EPHB2: variants seen among roughly 807,000 people sequenced by gnomAD.
EPHB2 encodes the protein ephrin type-B receptor 2.
Under a neutral mutation model 96.4 loss-of-function variants are expected in EPHB2, and 18 were observed. The observed-to-expected ratio is 0.19, with a 90% CI of 0.13 to 0.28. The LOEUF (loss-of-function observed/expected upper bound fraction) is 0.28. EPHB2 is among the 10% of genes least tolerant of loss of function. The probability of loss-of-function intolerance (pLI) is 1.00; values close to 1 mark genes in which losing one functional copy is unlikely to be tolerated. For synonymous variants in EPHB2, 506 were observed against 534.1 expected, an observed-to-expected ratio of 0.95 and a Z score of 0.72; for missense variants, 989 against 1,355.4, an observed-to-expected ratio of 0.73 and a Z score of 4.25.
intron 3 of EPHB2, among the ~76,000 whole-genome samples, chr1:22,836,315 A>G (rs10917317): frequency 0.42 from 64,340 of 152,138 alleles, 14,112 homozygotes; most frequent in South Asian, 0.59. Flanking sequence ...TCGGAGGCAC[A>G]AAGATGAACC....
intron 9 of EPHB2, among the ~76,000 whole-genome samples, chr1:22,905,411 G>T (rs1413581838): frequency 6.6e-6 from 1 of 152,226 alleles, no homozygotes; most frequent in East Asian, 1.9e-4. Context: ...GAGTGGGGCG[G>T]CCCCTCAAGG....
chr1:22,712,415 A>C (rs974640610), intron 1 of EPHB2, among the ~76,000 whole-genome samples: 6 of 152,090 alleles, frequency 3.9e-5, no homozygotes, highest in Non-Finnish European at 8.8e-5. Flanking sequence ...CTCTCAGGCC[A>C]CTTTAGGGTT....
chr1:22,741,322 C>A (rs59828968), intron 1 of EPHB2, among the ~76,000 whole-genome samples: 1 of 152,056 alleles, frequency 6.6e-6, no homozygotes, highest in African/African-American at 2.4e-5. Context: ...TTATCCTCCC[C>A]CTAAGTAAAA....
rs1046917767 is a variant in EPHB2, at chr1:22,919,337, G to T, written c.*5767G>T. The T allele has an allele frequency of 3.3e-5, 5 of 152,374 alleles. No homozygotes were observed. The highest frequency in any genetic ancestry group is 2.6e-4 in the Admixed American group (4 of 15,308). The allele number at this position is 152,374 out of a possible 1,614,324, so 9.4% of individuals were successfully genotyped here. A position where few individuals can be genotyped will look rare whatever the true frequency, so the allele number is the denominator to read the frequency against. ...CAGGAATGTGCCCAGACAGAGCTAA[G>T]CTTTCAGGAAAATTAGAAAGACCCT... On this transcript the variant is annotated 3_prime_UTR_variant, in exon 16 of 16. Transcript: ENST00000374630.
chr1:22,889,956 G>T (rs2148562121), intron 6 of EPHB2, among the ~76,000 whole-genome samples: 1 of 152,278 alleles, frequency 6.6e-6, no homozygotes. Context: ...TCCTATATTT[G>T]TGTTTGCTAA....
At position 22,863,188 on chromosome 1, in the gene EPHB2, C is replaced by A; in HGVS notation, c.963C>A (p.Cys321Ter). ...RADLDPLDMP[C>*]TTIPSAPQAV... ...ACCTGGACCCCCTGGACATGCCCTG[C>A]ACAAGTAAGTCCTAGGGCCCCTCAA... Residue 321 changes from cysteine (C) to a stop codon, truncating the protein, a stop_gained, in exon 4 of 16, where the codon TGC becomes TGA. Transcript: ENST00000374630. LOFTEE classifies it high-confidence loss of function. The A allele has an allele frequency of 6.2e-7, 1 of 1,614,188 alleles. No individual in the cohort carries two copies. Among genetic ancestry groups the A allele is most frequent in the Non-Finnish European group, 8.5e-7 (1 of 1,180,034 alleles).
chr1:22,865,902 C>T (rs1638457400), intron 5 of EPHB2, among the ~76,000 whole-genome samples: 1 of 152,176 alleles, frequency 6.6e-6, no homozygotes, highest in African/African-American at 2.4e-5. Context: ...GTAACCTTTT[C>T]TGTGGCCTCA....
chr1:22,877,138 T>C (rs1430233646), intron 5 of EPHB2, among the ~76,000 whole-genome samples: 1 of 152,122 alleles, frequency 6.6e-6, no homozygotes. Flanking sequence ...CAGAACTCCC[T>C]GGTCAGCCGG....
At chr1:22,783,325 A>G (rs934404711) in intron 2 of EPHB2, among the ~76,000 whole-genome samples, 2 of 151,998 alleles carry the variant, frequency 1.3e-5, no homozygotes, top group African/African-American at 4.8e-5. Context: ...AGGAGAGGGG[A>G]CTCTGCTGTT....
At chr1:22,892,795 C>T (rs1171108263) in intron 6 of EPHB2, 89 bp from the exon 7 acceptor site, 4 of 1,539,204 alleles carry the variant, frequency 2.6e-6, no homozygotes, top group Non-Finnish European at 3.6e-6. Flanking sequence ...AATGGCCAGA[C>T]CTGCCCCCAA....
At chr1:22,893,274 G>C (rs1173338551) in intron 7 of EPHB2, among the ~76,000 whole-genome samples, 1 of 152,144 alleles carries the variant, frequency 6.6e-6, no homozygotes, top group Admixed American at 6.5e-5. Context: ...CAGGACTCTG[G>C]GGAGCTCAGC....
chr1:22,851,521 C>T, intron 3 of EPHB2, among the ~76,000 whole-genome samples: 1 of 152,252 alleles, frequency 6.6e-6, no homozygotes, highest in East Asian at 1.9e-4. Flanking sequence ...CCAATGTGGG[C>T]ATCAGCATAG....
intron 6 of EPHB2, among the ~76,000 whole-genome samples, chr1:22,890,404 C>T (rs1248334279): frequency 6.6e-6 from 1 of 152,152 alleles, no homozygotes; most frequent in Non-Finnish European, 1.5e-5. Flanking sequence ...ATCCCTGCCT[C>T]CCCCTGTTAT....
intron 1 of EPHB2, among the ~76,000 whole-genome samples, chr1:22,728,866 C>T (rs1429667175): frequency 2.0e-5 from 3 of 152,220 alleles, no homozygotes; most frequent in Non-Finnish European, 4.4e-5. Context: ...AATTGGCCTC[C>T]TTGCAAATCC....
At chr1:22,901,859 C>T (rs1170410562) in intron 9 of EPHB2, among the ~76,000 whole-genome samples, 1 of 145,226 alleles carries the variant, frequency 6.9e-6, no homozygotes, top group Non-Finnish European at 1.5e-5. Context: ...CAGGGTCTCA[C>T]TTTGTCACCA....
intron 14 of EPHB2, 120 bp downstream of exon 14, chr1:22,910,695 AGGACTAGTGTTTATTG>A: frequency 7.6e-7 from 1 of 1,310,596 alleles, no homozygotes; most frequent in Non-Finnish European, 1.1e-6. Flanking sequence ...GGGGAAGGAC[AGGACTAGTGTTTATTG>A]GGTACCTGCC....
rs372615081 is a variant in EPHB2, at chr1:22,711,788, G to C, written c.61+745G>C. Among the ~76,000 whole-genome samples the C allele has an allele frequency of 8.5e-5, 13 of 152,102 alleles. 2 individuals carry two copies. The East Asian group carries it at 1.4e-3, about 16-fold the overall frequency. On this transcript the variant is annotated intron_variant, in intron 1 of 15. Coordinates refer to ENST00000374630, the MANE Select transcript of EPHB2 (RefSeq NM_017449.5). Reference sequence around the variant, plus strand: ...GAACTCTCCAGCTGCCGCCGGGGCCGGACCAGATGCTCTTGCCATGTGTTG... The same window carrying C: ...GAACTCTCCAGCTGCCGCCGGGGCCCGACCAGATGCTCTTGCCATGTGTTG...
chr1:22,714,236 G>T (rs1431142218), intron 1 of EPHB2, among the ~76,000 whole-genome samples: 1 of 152,162 alleles, frequency 6.6e-6, no homozygotes, highest in South Asian at 2.1e-4. Flanking sequence ...CCCCCGGGGC[G>T]GCAGGTGCAC....
At chr1:22,839,676 G>A (rs138483325) in intron 3 of EPHB2, among the ~76,000 whole-genome samples, 2 of 152,184 alleles carry the variant, frequency 1.3e-5, no homozygotes, top group African/African-American at 4.8e-5. Context: ...TGGGGTCCTG[G>A]ATAGGGTCCA....
Sources: gnomAD v4.1 joint callset for allele counts (sites outside exome capture counted in the v4.1 genomes callset) on GRCh38, gnomAD v4.1.1 for gene constraint, MANE v1.5 for transcripts, NCBI Gene and HGNC (gene_info 2026-07-23, HGNC 2026-07-21) for gene names.